The following PALLD variants were observed in gnomAD, a reference collection of about 807,000 sequenced individuals.
PALLD encodes the protein palladin.
Under a neutral mutation model 123.5 loss-of-function variants are expected in PALLD, and 61 were observed. That is an observed-to-expected ratio of 0.49 (90% CI 0.40 to 0.61). PALLD has a LOEUF of 0.61. Among genes scored for constraint, PALLD ranks in the 20% least tolerant of loss-of-function variants. The pLI is 0.00. For missense variants in PALLD, 1,273 were observed against 1,377.0 expected, an observed-to-expected ratio of 0.92 and a Z score of 1.20; for synonymous variants, 465 against 496.4, an observed-to-expected ratio of 0.94 and a Z score of 0.84.
chr4:168,775,622 G>T (rs768486601), intron 10 of PALLD, among the ~76,000 whole-genome samples: 1 of 152,056 alleles, frequency 6.6e-6, no homozygotes, highest in Non-Finnish European at 1.5e-5. Context: ...AGCTCACAAA[G>T]ATTTTCTGCT....
chr4:168,923,149 A>T (rs1250890265), intron 18 of PALLD, among the ~76,000 whole-genome samples: 2 of 152,212 alleles, frequency 1.3e-5, no homozygotes, highest in African/African-American at 4.8e-5. Context: ...TGTTTTATAC[A>T]TTTTATGTTC....
intron 2 of PALLD, among the ~76,000 whole-genome samples, chr4:168,607,491 C>T: frequency 6.6e-6 from 1 of 152,126 alleles, no homozygotes; most frequent in Non-Finnish European, 1.5e-5. Context: ...ACAGCGGACC[C>T]TTGTATTCCA....
intron 10 of PALLD, among the ~76,000 whole-genome samples, chr4:168,852,011 A>G (rs948959256): frequency 6.6e-6 from 1 of 152,174 alleles, no homozygotes; most frequent in South Asian, 2.1e-4. Context: ...AGTGGAGTGA[A>G]TCTGGAAGTC....
chr4:168,925,848 G>T (rs1375453730), intron 21 of PALLD, among the ~76,000 whole-genome samples: 1 of 152,064 alleles, frequency 6.6e-6, no homozygotes, highest in Non-Finnish European at 1.5e-5. Context: ...ACATCCAGCA[G>T]AATTCCTAAG....
At chr4:168,924,687 T>G (rs1419366914) in intron 19 of PALLD, among the ~76,000 whole-genome samples, 1 of 152,206 alleles carries the variant, frequency 6.6e-6, no homozygotes, top group East Asian at 1.9e-4. Context: ...TTTGCTTTAG[T>G]GATAAAAGAC....
rs1380474191 is a variant in PALLD at position 168,903,833 on chromosome 4, C to A, written c.2549C>A (p.Thr850Asn). The A allele has an allele frequency of 8.7e-6, 14 of 1,612,324 alleles. No individual in the cohort carries two copies. The highest frequency in any genetic ancestry group is 1.2e-5 in the Non-Finnish European group (14 of 1,178,404). The change falls in exon 15 of 22, where the codon ACC becomes AAC. Residue 850 changes from threonine to asparagine, a missense_variant. By Grantham distance (65) the Thr-to-Asn change is moderately conservative (BLOSUM62 0). This residue lies in a region of PALLD where 329 missense variants were observed against 422.5 expected (regional missense o/e 0.78). Transcript: ENST00000505667. ...HYTIQRDLDG[T>N]CSLHTTASTL... ...ACCATTCAAAGAGATCTCGATGGGACCTGCTCCCTCCATACCACAGCCTCC... is the reference window on the plus strand; with the variant it reads ...ACCATTCAAAGAGATCTCGATGGGAACTGCTCCCTCCATACCACAGCCTCC...
chr4:168,635,773 C>A (rs1776285165), intron 2 of PALLD, among the ~76,000 whole-genome samples: 1 of 152,204 alleles, frequency 6.6e-6, no homozygotes, highest in African/African-American at 2.4e-5. Flanking sequence ...TGTGATCCAT[C>A]TGAGCCAGCC....
At chr4:168,797,908 A>G (rs1738750174) in intron 10 of PALLD, among the ~76,000 whole-genome samples, 1 of 151,476 alleles carries the variant, frequency 6.6e-6, no homozygotes, top group South Asian at 2.1e-4. Flanking sequence ...ATATTCAGCA[A>G]ATCAGGAAAT....
At chr4:168,565,138 T>A (rs530307627) in intron 2 of PALLD, among the ~76,000 whole-genome samples, 1 of 151,656 alleles carries the variant, frequency 6.6e-6, no homozygotes, top group South Asian at 2.1e-4. Flanking sequence ...GCAGCAGTGA[T>A]CCTGGGAGGA....
chr4:168,918,439 A>C (rs1480947857), intron 17 of PALLD, among the ~76,000 whole-genome samples: 1 of 152,124 alleles, frequency 6.6e-6, no homozygotes, highest in African/African-American at 2.4e-5. Context: ...CAGGCACAGA[A>C]AGATAAATAC....
At chr4:168,609,437 C>T (rs1773522478) in intron 2 of PALLD, among the ~76,000 whole-genome samples, 1 of 150,668 alleles carries the variant, frequency 6.6e-6, no homozygotes, top group African/African-American at 2.4e-5. Context: ...CATTGTCCTT[C>T]AGAAATGTCC....
chr4:168,835,109 A>G (rs918117425), intron 10 of PALLD, among the ~76,000 whole-genome samples: 2 of 152,178 alleles, frequency 1.3e-5, no homozygotes, highest in Non-Finnish European at 2.9e-5. Flanking sequence ...TTTCACAATC[A>G]TTGGGAACTA....
chr4:168,629,803 A>G (rs1254289330), intron 2 of PALLD, among the ~76,000 whole-genome samples: 1 of 152,170 alleles, frequency 6.6e-6, no homozygotes, highest in Non-Finnish European at 1.5e-5. Context: ...GTAACATTTG[A>G]CACCACTAAC....
At chr4:168,685,420 C>T (rs1166367159) in intron 5 of PALLD, 65 bp from the exon 6 acceptor site, 2 of 1,023,920 alleles carry the variant, frequency 2.0e-6, no homozygotes, top group Non-Finnish European at 3.1e-6. Context: ...TGAAAGGTTT[C>T]TTCAGCCCAT....
chr4:168,916,173 A>ATCT, intron 17 of PALLD, 146 bp downstream of exon 17: 1 of 826,644 alleles, frequency 1.2e-6, no homozygotes, highest in Non-Finnish European at 2.0e-6. Context: ...AGCACTTTAG[A>ATCT]GTCCAAAGCC....
At chr4:168,815,607 G>T (rs1324669648) in intron 10 of PALLD, among the ~76,000 whole-genome samples, 1 of 152,184 alleles carries the variant, frequency 6.6e-6, no homozygotes, top group African/African-American at 2.4e-5. Flanking sequence ...TAACAAGGCA[G>T]GGAGAGAACG....
intron 8 of PALLD, among the ~76,000 whole-genome samples, chr4:168,704,904 C>A (rs1055834501): frequency 6.6e-6 from 1 of 151,942 alleles, no homozygotes; most frequent in African/African-American, 2.4e-5. Context: ...TATAGTAGAT[C>A]AAATATTTGG....
chr4:168,512,701 T>C (rs534758107), intron 2 of PALLD, among the ~76,000 whole-genome samples: 1 of 152,278 alleles, frequency 6.6e-6, no homozygotes, highest in East Asian at 1.9e-4. Flanking sequence ...TAGTAACAAA[T>C]AGGCACACTT....
rs115556781 is a variant in PALLD, at chr4:168,711,642, C to T, written c.1683C>T (p.His561=). The T allele has an allele frequency of 6.2e-7, 1 of 1,614,160 alleles. No individual in the cohort carries two copies. The highest frequency in any genetic ancestry group is 1.3e-5 in the African/African-American group (1 of 75,040). ...AATCCAACAATGACCACTTCCAACA[C>T]TTTCCACCTCCCCCTCCAATCTTGG... The part of the protein sequence containing the change: ...MGESNNDHFQ[H]FPPPPPILET... Residue 561 remains histidine (H), a synonymous_variant, in exon 10 of 22, where the codon CAC becomes CAT. Transcript: ENST00000505667.
Sources: gnomAD v4.1 joint callset for allele counts (sites outside exome capture counted in the v4.1 genomes callset) on GRCh38, gnomAD v4.1.1 for gene constraint, gnomAD v4.1.1 regional missense constraint, MANE v1.5 for transcripts, NCBI Gene and HGNC (gene_info 2026-07-23, HGNC 2026-07-21) for gene names.